ZNF280D: variants seen among roughly 807,000 people sequenced by gnomAD.
ZNF280D encodes suppressor of hairy wing homolog 4.
Under a neutral mutation model 94.7 loss-of-function variants are expected in ZNF280D, and 39 were observed. The ratio of observed to expected loss-of-function variants is 0.41; its 90% confidence interval spans 0.32 to 0.54. The LOEUF is 0.54. Among genes scored for constraint, ZNF280D ranks in the 20% least tolerant of loss-of-function variants. The pLI is 0.22. For missense variants in ZNF280D, 1,090 were observed against 1,149.3 expected (o/e 0.95, Z 0.75); for synonymous variants, 398 against 377.6 (o/e 1.05, Z -0.63).
At chr15:56,632,544 C>A (rs754636542) in intron 21 of ZNF280D, among the ~76,000 whole-genome samples, 92 of 142,440 alleles carry the variant, frequency 6.5e-4, no homozygotes, top group Non-Finnish European at 1.3e-3. Flanking sequence ...GTCACCCAGA[C>A]AGGAACACAG....
In ZNF280D at chr15:56,642,960, C is replaced by T; in HGVS notation, c.2251G>A (p.Val751Met). ...KEAPAKEQEP[V>M]SKEIARPNMA... ...AGTAAAACAAACTTTACCTTAGACA[C>T]AGGTTCTTGTTCCTTTGCGGGAGCT... Residue 751 changes from valine to methionine, a missense_variant, in exon 20 of 22, where the codon GTG becomes ATG. Physicochemically the swap from Val to Met is conservative, Grantham distance 21 (BLOSUM62 1). Coordinates refer to ENST00000267807, the MANE Select transcript of ZNF280D (RefSeq NM_017661.4). 1 of 1,506,552 alleles carries T rather than the reference C, an allele frequency of 6.6e-7. No homozygotes were observed. Among genetic ancestry groups the T allele is most frequent in the Non-Finnish European group, 8.8e-7 (1 of 1,132,176 alleles). The allele number at this position is 1,506,552 out of a possible 1,614,324, so 93.3% of individuals were successfully genotyped here.
intron 10 of ZNF280D, among the ~76,000 whole-genome samples, chr15:56,681,064 G>C (rs1032995920): frequency 6.6e-6 from 1 of 152,126 alleles, no homozygotes; most frequent in East Asian, 1.9e-4. Flanking sequence ...AGTTTGATAA[G>C]AGGAGGTAAA....
chr15:56,687,256 C>T (rs2056090406), intron 9 of ZNF280D, among the ~76,000 whole-genome samples: 1 of 151,966 alleles, frequency 6.6e-6, no homozygotes, highest in Admixed American at 6.5e-5. Flanking sequence ...AGATACTTTC[C>T]TTATTTAAAA....
intron 6 of ZNF280D, 131 bp downstream of exon 6, chr15:56,700,802 T>G (rs1646084651): frequency 6.4e-7 from 1 of 1,557,844 alleles, no homozygotes; most frequent in East Asian, 2.4e-5. Flanking sequence ...TGGTGACATT[T>G]TCTGATGCTA....
At chr15:56,701,275 T>G (rs1474516013) in intron 4 of ZNF280D, 37 bp from the exon 5 acceptor site, 1 of 1,282,286 alleles carries the variant, frequency 7.8e-7, no homozygotes, top group African/African-American at 1.5e-5. Flanking sequence ...ATACATTGTT[T>G]GAATGAAATA....
chr15:56,725,284 A>C (rs1394354659), intron 1 of ZNF280D, among the ~76,000 whole-genome samples: 1 of 152,042 alleles, frequency 6.6e-6, no homozygotes, highest in Admixed American at 6.6e-5. Context: ...GATCAAAAAA[A>C]GATGTGTGGT....
intron 16 of ZNF280D, among the ~76,000 whole-genome samples, chr15:56,659,277 C>T (rs886817321): frequency 6.7e-6 from 1 of 150,008 alleles, no homozygotes; most frequent in Non-Finnish European, 1.5e-5. Flanking sequence ...ATGATAATAG[C>T]TTCTATATAC....
intron 14 of ZNF280D, chr15:56,667,994 T>C (rs1463315418): frequency 3.0e-6 from 1 of 331,232 alleles, no homozygotes; most frequent in African/African-American, 2.2e-5. Flanking sequence ...CTGCACTGCT[T>C]ACATTAGTGT....
At chr15:56,727,730 A>G (rs890476286) in intron 1 of ZNF280D, among the ~76,000 whole-genome samples, 1 of 152,214 alleles carries the variant, frequency 6.6e-6, no homozygotes, top group Non-Finnish European at 1.5e-5. Context: ...ACGAACCAGA[A>G]GATTAACACA....
chr15:56,722,567 G>C (rs2058422108), intron 1 of ZNF280D, among the ~76,000 whole-genome samples: 1 of 152,180 alleles, frequency 6.6e-6, no homozygotes, highest in Non-Finnish European at 1.5e-5. Flanking sequence ...TCATTAAAAA[G>C]TCAGGAAACA....
At chr15:56,676,877 A>G in intron 12 of ZNF280D, 61 bp from the exon 13 acceptor site, 1 of 1,256,020 alleles carries the variant, frequency 8.0e-7, no homozygotes, top group Non-Finnish European at 1.1e-6. Context: ...GCAATTACAA[A>G]GGAACAATGA....
At chr15:56,719,552 G>T (rs2058233316) in intron 1 of ZNF280D, among the ~76,000 whole-genome samples, 1 of 152,010 alleles carries the variant, frequency 6.6e-6, no homozygotes, top group African/African-American at 2.4e-5. Context: ...TTTATAAAAT[G>T]CCCAAACTCA....
chr15:56,633,861 A>G (rs1739289697), intron 21 of ZNF280D, among the ~76,000 whole-genome samples: 1 of 81,570 alleles, frequency 1.2e-5, no homozygotes, highest in Admixed American at 1.0e-4. Context: ...AGAAAAATAT[A>G]AATCTTTTTT....
intron 13 of ZNF280D, among the ~76,000 whole-genome samples, chr15:56,674,249 G>A (rs2055065040): frequency 6.6e-6 from 1 of 151,986 alleles, no homozygotes; most frequent in South Asian, 2.1e-4. Flanking sequence ...TCCTAAGGTA[G>A]AATACATTAA....
chr15:56,701,151 A>C, intron 5 of ZNF280D, 22 bp downstream of exon 5: 1 of 1,598,736 alleles, frequency 6.3e-7, no homozygotes, highest in Non-Finnish European at 8.5e-7. Context: ...TTTAAAATTA[A>C]AATAGTATAA....
At chr15:56,669,352 A>G (rs183073593) in intron 13 of ZNF280D, among the ~76,000 whole-genome samples, 1 of 152,154 alleles carries the variant, frequency 6.6e-6, no homozygotes, top group Admixed American at 6.6e-5. Flanking sequence ...AAAGTTGGTA[A>G]AATAAATTAA....
chr15:56,634,715 GTTCT>G (rs1428894513), intron 21 of ZNF280D, among the ~76,000 whole-genome samples: 1 of 152,086 alleles, frequency 6.6e-6, no homozygotes, highest in Non-Finnish European at 1.5e-5. Flanking sequence ...AACATCTTGT[GTTCT>G]TTAACATTCT....
At chr15:56,657,178 A>T (rs955599210) in intron 17 of ZNF280D, among the ~76,000 whole-genome samples, 1 of 152,194 alleles carries the variant, frequency 6.6e-6, no homozygotes, top group Non-Finnish European at 1.5e-5. Context: ...AATCAGAAGA[A>T]TATGAAACAA....
intron 3 of ZNF280D, among the ~76,000 whole-genome samples, chr15:56,705,969 G>A (rs1272678076): frequency 6.6e-6 from 1 of 150,462 alleles, no homozygotes; most frequent in Non-Finnish European, 1.5e-5. Flanking sequence ...TATAGGTATA[G>A]GCTGAACTGT....
Sources: allele counts gnomAD v4.1 joint callset (sites outside exome capture counted in the v4.1 genomes callset), GRCh38; gene constraint gnomAD v4.1.1; transcripts MANE v1.5; gene names NCBI Gene and HGNC (gene_info 2026-07-23, HGNC 2026-07-21).